INPP4B: variants seen among roughly 807,000 people sequenced by gnomAD.
INPP4B encodes the protein inositol polyphosphate-4-phosphatase type II B, also known as inositol polyphosphate 4-phosphatase type II.
INPP4B carries 55 observed loss-of-function variants against 122.5 expected under a neutral mutation model. The observed-to-expected ratio is 0.45, with a 90% CI of 0.36 to 0.56. The LOEUF (loss-of-function observed/expected upper bound fraction) is 0.56. Among genes scored for constraint, INPP4B ranks in the 20% least tolerant of loss-of-function variants. The probability of loss-of-function intolerance (pLI) is 0.00; values close to 1 mark genes in which losing one functional copy is unlikely to be tolerated. For missense variants in INPP4B, 1,000 were observed against 1,097.7 expected (o/e 0.91, Z 1.26); for synonymous variants, 403 against 388.7 (o/e 1.04, Z -0.43).
chr4:142,725,669 T>C (rs1765256015), intron 2 of INPP4B, among the ~76,000 whole-genome samples, 170 bp downstream of exon 2: 1 of 152,210 alleles, frequency 6.6e-6, no homozygotes, highest in Admixed American at 6.5e-5. Context: ...AAATGTACTG[T>C]TCACTTTATC....
At chr4:142,086,312 T>C in intron 23 of INPP4B, 56 bp from the exon 24 acceptor site, 1 of 917,626 alleles carries the variant, frequency 1.1e-6, no homozygotes, top group East Asian at 2.4e-5. Context: ...CACATTAAGC[T>C]GCCCATGGAG....
intron 25 of INPP4B, among the ~76,000 whole-genome samples, chr4:142,049,693 C>A (rs1167280582): frequency 6.6e-6 from 1 of 151,574 alleles, no homozygotes; most frequent in Non-Finnish European, 1.5e-5. Context: ...ATGTCAAATT[C>A]TGTAGGAAGA....
intron 9 of INPP4B, among the ~76,000 whole-genome samples, chr4:142,298,143 A>T (rs1759627461): frequency 6.6e-6 from 1 of 152,232 alleles, no homozygotes; most frequent in South Asian, 2.1e-4. Context: ...AAGAAGATTT[A>T]GAGTTGGACC....
chr4:142,706,812 T>C (rs1195604626), intron 2 of INPP4B, among the ~76,000 whole-genome samples: 3 of 152,254 alleles, frequency 2.0e-5, no homozygotes, highest in Non-Finnish European at 4.4e-5. Context: ...ACAGGCCTTG[T>C]CTAAAGACGC....
At chr4:142,777,362 G>A (rs995636174) in intron 1 of INPP4B, among the ~76,000 whole-genome samples, 1 of 152,160 alleles carries the variant, frequency 6.6e-6, no homozygotes, top group African/African-American at 2.4e-5. Flanking sequence ...TGTGTAAACT[G>A]CCTATGGAGA....
At chr4:142,030,068 T>C in intron 25 of INPP4B, 1 of 1,438,122 alleles carries the variant, frequency 7.0e-7, no homozygotes, top group Non-Finnish European at 9.2e-7. Flanking sequence ...TACAGCATTG[T>C]CCCCATAATT....
At chr4:142,229,299 A>C (rs76683142) in intron 12 of INPP4B, among the ~76,000 whole-genome samples, 5,204 of 152,192 alleles carry the variant, frequency 0.034, 288 homozygotes, top group African/African-American at 0.12. Context: ...ATACATGATA[A>C]ACGGGGAAAA....
chr4:142,385,070 C>G (rs1174025569), intron 7 of INPP4B, among the ~76,000 whole-genome samples: 2 of 152,126 alleles, frequency 1.3e-5, no homozygotes, highest in African/African-American at 4.8e-5. Context: ...GCAATGAACA[C>G]ATGCATGCAT....
chr4:142,534,897 T>C (rs2150000898), intron 2 of INPP4B, among the ~76,000 whole-genome samples: 1 of 152,180 alleles, frequency 6.6e-6, no homozygotes, highest in South Asian at 2.1e-4. Flanking sequence ...AACATTTGTT[T>C]TACTCTTTAT....
intron 16 of INPP4B, among the ~76,000 whole-genome samples, chr4:142,171,934 C>T (rs1256374288): frequency 6.6e-6 from 1 of 151,856 alleles, no homozygotes; most frequent in Non-Finnish European, 1.5e-5. Context: ...GCTCTGTAAT[C>T]ACTGCAGTGG....
chr4:142,797,522 C>A (rs528798473), intron 1 of INPP4B, among the ~76,000 whole-genome samples: 1 of 151,886 alleles, frequency 6.6e-6, no homozygotes, highest in Non-Finnish European at 1.5e-5. Context: ...GGTGATTGTA[C>A]TCCTACAAAA....
intron 2 of INPP4B, among the ~76,000 whole-genome samples, chr4:142,685,799 C>T (rs890648414): frequency 6.6e-5 from 10 of 151,982 alleles, no homozygotes; most frequent in African/African-American, 1.9e-4. Flanking sequence ...TCTATGTGTA[C>T]ATTTTTTCAT....
chr4:142,394,799 A>G (rs891564415), intron 7 of INPP4B, among the ~76,000 whole-genome samples: 10 of 152,282 alleles, frequency 6.6e-5, no homozygotes, highest in African/African-American at 2.4e-4. Flanking sequence ...TTTTATGTGT[A>G]GAAGCCTTTG....
chr4:142,657,876 G>A (rs551868344), intron 2 of INPP4B, among the ~76,000 whole-genome samples: 4 of 152,242 alleles, frequency 2.6e-5, no homozygotes, highest in African/African-American at 9.6e-5. Context: ...TCAAATTTAA[G>A]TTTCAAAATT....
intron 4 of INPP4B, 112 bp downstream of exon 4, chr4:142,431,057 A>C: frequency 1.3e-6 from 1 of 740,944 alleles, no homozygotes; most frequent in Non-Finnish European, 2.3e-6. Flanking sequence ...CATGCCATTT[A>C]TTAGAACCGA....
At chr4:142,170,076 TTTAGTC>T (rs529884742) in intron 16 of INPP4B, among the ~76,000 whole-genome samples, 120 of 151,746 alleles carry the variant, frequency 7.9e-4, no homozygotes, top group Admixed American at 1.5e-3. Flanking sequence ...ATTGCATACT[TTTAGTC>T]TGAGAAAAAA....
In INPP4B at chr4:142,123,418, GAA is replaced by G; in HGVS notation, c.1894-5_1894-4del. On this transcript the variant is annotated splice_polypyrimidine_tract_variant and splice_region_variant and intron_variant, in intron 19 of 25. Coordinates refer to ENST00000262992, the MANE Select transcript of INPP4B (RefSeq NM_001101669.3). Reference sequence around the variant, plus strand: ...AAACCACAAACCAATCCAGCAAGCTGAAAAAAAAATATTGATGAGATTTACTG... The same window carrying G: ...AAACCACAAACCAATCCAGCAAGCTGAAAAAAATATTGATGAGATTTACTG... 2 of 1,580,034 alleles carry G rather than the reference GAA, an allele frequency of 1.3e-6. No individual in the cohort carries two copies. Among genetic ancestry groups the G allele is most frequent in the Non-Finnish European group, 1.7e-6 (2 of 1,163,514 alleles).
chr4:142,215,642 C>T (rs1234123683), intron 12 of INPP4B, among the ~76,000 whole-genome samples: 5 of 151,830 alleles, frequency 3.3e-5, no homozygotes, highest in Non-Finnish European at 7.4e-5. Flanking sequence ...TAAGAAGCAA[C>T]CTGCACTTTG....
intron 15 of INPP4B, among the ~76,000 whole-genome samples, chr4:142,174,212 T>C (rs1377429365): frequency 6.6e-6 from 1 of 152,110 alleles, no homozygotes; most frequent in African/African-American, 2.4e-5. Flanking sequence ...AATCTCAATG[T>C]AAATCCTGGT....
Sources: allele counts gnomAD v4.1 joint callset (sites outside exome capture counted in the v4.1 genomes callset), GRCh38; gene constraint gnomAD v4.1.1; transcripts MANE v1.5; gene names NCBI Gene and HGNC (gene_info 2026-07-23, HGNC 2026-07-21).